Variants in UNC13C observed in about 807,000 individuals in gnomAD.
UNC13C encodes the protein protein unc-13 homolog C.
A neutral mutation model predicts 245.4 loss-of-function variants in UNC13C; 174 were observed. That is an observed-to-expected ratio of 0.71 (90% CI 0.63 to 0.80). The LOEUF (loss-of-function observed/expected upper bound fraction) is 0.80, where lower values mean the gene tolerates loss of function less well. Ranked by LOEUF, UNC13C falls within the 30% of genes least tolerant of loss-of-function variation. The pLI, the probability that UNC13C is intolerant of heterozygous loss-of-function variation, is 0.00. For synonymous variants in UNC13C, 992 were observed against 895.1 expected (o/e 1.11, Z -1.93); for missense variants, 2,829 against 2,602.9 (o/e 1.09, Z -1.89).
intron 17 of UNC13C, among the ~76,000 whole-genome samples, chr15:54,356,774 C>T (rs770388285): frequency 8.6e-5 from 13 of 151,962 alleles, no homozygotes; most frequent in East Asian, 1.9e-4. Flanking sequence ...ACATTCAGAC[C>T]GTAGTCATTG....
chr15:53,961,913 A>T, the UNC13C span, among the ~76,000 whole-genome samples: 4 of 151,634 alleles, frequency 2.6e-5, no homozygotes, highest in Non-Finnish European at 4.4e-5. Flanking sequence ...GAAATTACAA[A>T]CTCCTTCTCT....
the UNC13C span, among the ~76,000 whole-genome samples, chr15:53,844,289 T>C: frequency 5.3e-5 from 8 of 152,234 alleles, no homozygotes; most frequent in African/African-American, 1.9e-4. Flanking sequence ...GATAAGGAAA[T>C]TTGGTCACTG....
chr15:54,512,032 T>A (rs1293668847), intron 24 of UNC13C, among the ~76,000 whole-genome samples: 1 of 152,136 alleles, frequency 6.6e-6, no homozygotes, highest in Non-Finnish European at 1.5e-5. Context: ...GAAGTGTGAA[T>A]GGGAGGCAGA....
chr15:54,388,087 C>G (rs572991342), intron 17 of UNC13C, among the ~76,000 whole-genome samples: 1 of 152,002 alleles, frequency 6.6e-6, no homozygotes, highest in African/African-American at 2.4e-5. Flanking sequence ...ATTCCCATTC[C>G]CATGAGCTGA....
At chr15:54,100,263 T>C (rs1900096326) in intron 2 of UNC13C, among the ~76,000 whole-genome samples, 1 of 152,222 alleles carries the variant, frequency 6.6e-6, no homozygotes, top group Non-Finnish European at 1.5e-5. Context: ...TGAGAGTTTT[T>C]CCACCTATAC....
chr15:53,877,381 C>T, the UNC13C span, among the ~76,000 whole-genome samples: 1 of 152,078 alleles, frequency 6.6e-6, no homozygotes, highest in African/African-American at 2.4e-5. Flanking sequence ...AACATAGGCT[C>T]AGGGAAGACA....
intron 4 of UNC13C, among the ~76,000 whole-genome samples, chr15:54,156,885 A>G (rs566694691): frequency 6.6e-6 from 1 of 151,682 alleles, no homozygotes; most frequent in South Asian, 2.1e-4. Context: ...TATCATAAAG[A>G]AAAAAAAGAG....
intron 4 of UNC13C, among the ~76,000 whole-genome samples, chr15:54,147,101 C>T (rs2032293955): frequency 6.6e-6 from 1 of 152,110 alleles, no homozygotes; most frequent in Non-Finnish European, 1.5e-5. Context: ...GTGAATGACA[C>T]ACTGGAGGTG....
chr15:54,093,981 T>C (rs1342190074), intron 2 of UNC13C, among the ~76,000 whole-genome samples: 1 of 36,978 alleles, frequency 2.7e-5, no homozygotes, highest in Non-Finnish European at 5.8e-5. Context: ...CCAACTGGTG[T>C]GCATTGAAAC....
intron 30 of UNC13C, among the ~76,000 whole-genome samples, chr15:54,595,349 C>A (rs891728879): frequency 6.6e-5 from 10 of 152,090 alleles, no homozygotes; most frequent in African/African-American, 2.4e-4. Flanking sequence ...ACTCAACTGG[C>A]ACCCCAGAAA....
chr15:54,275,016 G>C lies in UNC13C; in HGVS notation c.3818+9520G>C, dbSNP rs900392706. On this transcript the variant is annotated intron_variant, in intron 10 of 32. Transcript: ENST00000260323. ...CAAAAATGATAAATCCTATAAAGGG[G>C]GTAAAATAAACAAATGGGGGAAAAC... Among the ~76,000 whole-genome samples the C allele has an allele frequency of 4.0e-5, 6 of 151,846 alleles. No homozygotes were observed. The South Asian group carries it at 1.3e-3, about 32-fold the overall frequency.
intron 2 of UNC13C, among the ~76,000 whole-genome samples, chr15:54,129,845 T>A (rs533757626): frequency 6.6e-6 from 1 of 151,622 alleles, no homozygotes; most frequent in African/African-American, 2.4e-5. Context: ...AAAAAGTCTT[T>A]ATTTATACTC....
At chr15:54,128,476 G>C (rs1157043309) in intron 2 of UNC13C, among the ~76,000 whole-genome samples, 4 of 152,138 alleles carry the variant, frequency 2.6e-5, no homozygotes, top group Admixed American at 2.6e-4. Context: ...TAACATCTGT[G>C]TGTGAACATT....
chr15:53,893,157 T>A, the UNC13C span, among the ~76,000 whole-genome samples: 1 of 152,220 alleles, frequency 6.6e-6, no homozygotes, highest in African/African-American at 2.4e-5. Flanking sequence ...CTCCAGACCC[T>A]GTTTGCCTGG....
chr15:53,949,780 G>T, the UNC13C span, among the ~76,000 whole-genome samples: 1 of 152,168 alleles, frequency 6.6e-6, no homozygotes, highest in Non-Finnish European at 1.5e-5. Flanking sequence ...TATTAGGAAG[G>T]TTGGGAATTT....
the UNC13C span, among the ~76,000 whole-genome samples, chr15:53,898,782 A>G: frequency 6.6e-6 from 1 of 152,246 alleles, no homozygotes; most frequent in Admixed American, 6.5e-5. Context: ...ATTTTAAAAA[A>G]ATATAAGAAT....
chr15:54,155,621 A>T (rs190497105), intron 4 of UNC13C, among the ~76,000 whole-genome samples: 186 of 152,338 alleles, frequency 1.2e-3, no homozygotes, highest in African/African-American at 4.4e-3. Flanking sequence ...AAAAATAGAT[A>T]TTGCCATGAA....
At chr15:54,113,134 C>A (rs977352485) in intron 2 of UNC13C, among the ~76,000 whole-genome samples, 13 of 151,968 alleles carry the variant, frequency 8.6e-5, no homozygotes, top group African/African-American at 2.7e-4. Context: ...CTACATCTTA[C>A]CCCTTAAATT....
intron 8 of UNC13C, among the ~76,000 whole-genome samples, chr15:54,252,655 C>CA (rs1173783559): frequency 1.3e-5 from 2 of 151,820 alleles, no homozygotes; most frequent in East Asian, 1.9e-4. Context: ...TGTTTTAAGC[C>CA]AAAAAAATGG....
Sources: gnomAD v4.1 joint callset for allele counts (sites outside exome capture counted in the v4.1 genomes callset) on GRCh38, gnomAD v4.1.1 for gene constraint, MANE v1.5 for transcripts, NCBI Gene and HGNC (gene_info 2026-07-23, HGNC 2026-07-21) for gene names.